DPP8: variants seen among roughly 807,000 people sequenced by gnomAD.
DPP8 encodes the protein dipeptidyl peptidase 8.
A neutral mutation model predicts 107.5 loss-of-function variants in DPP8; 31 were observed. The observed-to-expected ratio is 0.29, with a 90% confidence interval of 0.22 to 0.39. The LOEUF is 0.39. Ranked by LOEUF, DPP8 falls within the 10% of genes least tolerant of loss-of-function variation. The pLI is 1.00. For missense variants in DPP8, 842 were observed against 1,076.1 expected (o/e 0.78, Z 3.04); for synonymous variants, 381 against 356.6 (o/e 1.07, Z -0.77).
chr15:65,479,668 C>A (rs964301993), intron 10 of DPP8, among the ~76,000 whole-genome samples: 1 of 151,362 alleles, frequency 6.6e-6, no homozygotes, highest in Non-Finnish European at 1.5e-5. Flanking sequence ...CAAGGTGAAA[C>A]CCCGTCTCTA....
Position 65,478,931 on chromosome 15 carries a change from T to C in DPP8, c.1405A>G (p.Ile469Val), listed in dbSNP as rs756739726. 21 of 1,594,820 alleles carry C rather than the reference T, an allele frequency of 1.3e-5. No individual in the cohort carries two copies. Among genetic ancestry groups the C allele is most frequent in the South Asian group, 3.5e-5 (3 of 86,626 alleles). Residue 469 changes from isoleucine to valine, a missense_variant, in exon 11 of 20, where the codon ATT (isoleucine) becomes GTT (valine). Ile to Val is a conservative substitution (Grantham distance 29). This residue lies in a region of DPP8 where 663 missense variants were observed against 758.0 expected (regional missense o/e 0.87). Coordinates refer to ENST00000300141, the MANE Select transcript of DPP8 (RefSeq NM_130434.5). ...CGTTTATATTTGCTTTCCTTTAAAA[T>C]AGATGTAATTTTGTATAAATGACGG... ...GFRHLYKITS[I>V]LKESKYKRSS...
chr15:65,486,227 C>A (rs564592705), intron 7 of DPP8, among the ~76,000 whole-genome samples: 45 of 150,942 alleles, frequency 3.0e-4, no homozygotes, highest in Non-Finnish European at 5.9e-4. Context: ...CATGGTGAAA[C>A]CCTGTTTCTA....
chr15:65,495,501 G>A (rs2068492210), intron 5 of DPP8, among the ~76,000 whole-genome samples: 1 of 152,042 alleles, frequency 6.6e-6, no homozygotes, highest in African/African-American at 2.4e-5. Flanking sequence ...CTACTCAGGA[G>A]GCTGAGGGAT....
At chr15:65,478,196 T>C (rs2066580325) in intron 11 of DPP8, among the ~76,000 whole-genome samples, 2 of 152,202 alleles carry the variant, frequency 1.3e-5, no homozygotes, top group Admixed American at 1.3e-4. Context: ...TAGATGCAGA[T>C]AGTATAAGAA....
chr15:65,497,083 T>A (rs2068680636), intron 5 of DPP8, among the ~76,000 whole-genome samples: 1 of 151,858 alleles, frequency 6.6e-6, no homozygotes, highest in Non-Finnish European at 1.5e-5. Flanking sequence ...AGAGACAGGG[T>A]TTCATCACGT....
chr15:65,485,150 A>G lies in DPP8; in HGVS notation c.966T>C (p.Asn322=). 3 of 1,605,474 alleles carry G rather than the reference A, an allele frequency of 1.9e-6. No individual in the cohort carries two copies. Among genetic ancestry groups the G allele is most frequent in the Non-Finnish European group, 2.6e-6 (3 of 1,172,202 alleles). ...CTGACATCTTAAAAGTGACTTTAGG[A>G]TTTGCTGTACCTTTAGAAAGAGACA... ...SFRYPKTGTA[N]PKVTFKMSEI... is the part of the protein sequence containing the mutation. The change falls in exon 8 of 20, where the codon AAT becomes AAC. Residue 322 remains asparagine, a synonymous_variant. Transcript: ENST00000300141.
chr15:65,479,100 G>A lies in DPP8; in HGVS notation c.1297-61C>T. ...ATGAAAATACTACATAATTCAATTA[G>A]GCTACAGGAAAAATTTCTTGATAAA... On this transcript the variant is annotated intron_variant, in intron 10 of 19. Transcript: ENST00000300141. 3 of 1,176,150 alleles carry A rather than the reference G, an allele frequency of 2.6e-6. No homozygotes were observed. The East Asian group carries it at 8.8e-5, about 34-fold the overall frequency. The allele number at this position is 1,176,150 out of a possible 1,614,324, so 72.9% of individuals were successfully genotyped here.
At chr15:65,509,790 G>A (rs1055532600) in intron 2 of DPP8, among the ~76,000 whole-genome samples, 4 of 151,996 alleles carry the variant, frequency 2.6e-5, no homozygotes, top group African/African-American at 7.3e-5. Flanking sequence ...GGAGGCTGAG[G>A]TGGGTAGACA....
chr15:65,489,514 C>A (rs1337964904), intron 6 of DPP8, among the ~76,000 whole-genome samples: 1 of 140,858 alleles, frequency 7.1e-6, no homozygotes. Context: ...CCCAGGTTCA[C>A]GTCATTCTCC....
chr15:65,449,772 C>A (rs1434440749), intron 19 of DPP8, among the ~76,000 whole-genome samples: 1 of 152,110 alleles, frequency 6.6e-6, no homozygotes, highest in Non-Finnish European at 1.5e-5. Flanking sequence ...GTCGAAACAA[C>A]ATATCACAAC....
chr15:65,469,209 A>C (rs1446276531), intron 12 of DPP8, among the ~76,000 whole-genome samples: 1 of 151,684 alleles, frequency 6.6e-6, no homozygotes, highest in Non-Finnish European at 1.5e-5. Context: ...TCCTGACCTC[A>C]GATGATCCGC....
chr15:65,507,437 T>G, intron 2 of DPP8, 82 bp from the exon 3 acceptor site: 5 of 796,586 alleles, frequency 6.3e-6, no homozygotes, highest in Non-Finnish European at 1.0e-5. Flanking sequence ...CATAATGCCT[T>G]CTATACACTG....
At chr15:65,467,347 T>C in intron 12 of DPP8, 124 bp from the exon 13 acceptor site, 1 of 881,286 alleles carries the variant, frequency 1.1e-6, no homozygotes, top group Non-Finnish European at 1.7e-6. Flanking sequence ...TTTTTTTTGC[T>C]GCCACTATTA....
At position 65,448,842 on chromosome 15, in the gene DPP8, A is replaced by C. The variant is rs867166348; in HGVS notation, c.2527-1836T>G. 2.0e-3 allele frequency among the ~76,000 whole-genome samples: 246 copies of C among 125,964 alleles called. 2 individuals carry two copies. The highest frequency in any genetic ancestry group is 6.5e-3 in the African/African-American group (225 of 34,542). 82.6% of individuals were successfully genotyped at this position (125,964 alleles called of 152,430 possible). On this transcript the variant is annotated intron_variant, in intron 19 of 19. Transcript: ENST00000300141. ...TATCTAAAGTATACATATATAATAT[A>C]TAAAATATACATATATATCTAAAAT...
At chr15:65,497,768 T>C in intron 5 of DPP8, 96 bp downstream of exon 5, 2 of 973,594 alleles carry the variant, frequency 2.1e-6, no homozygotes, top group Non-Finnish European at 1.4e-6. Flanking sequence ...AATATAAAGA[T>C]CACCCAACGT....
intron 15 of DPP8, among the ~76,000 whole-genome samples, chr15:65,462,184 G>C (rs2064987165): frequency 1.3e-5 from 2 of 151,614 alleles, no homozygotes; most frequent in South Asian, 2.1e-4. Flanking sequence ...GGCCAGGCTG[G>C]TCTTGAACTC....
chr15:65,451,806 A>G (rs603267), intron 18 of DPP8, among the ~76,000 whole-genome samples, 154 bp downstream of exon 18: 51,636 of 151,298 alleles, frequency 0.34, 10,194 homozygotes, highest in East Asian at 0.78. Context: ...CGTGCCTGTA[A>G]ACCCAGCTAC....
At position 65,466,686 on chromosome 15, in the gene DPP8, T is replaced by C; in HGVS notation, c.1817A>G (p.Asp606Gly). The change falls in exon 14 of 20, where the codon GAT becomes GGT. Residue 606 changes from aspartate (D) to glycine (G), a missense_variant. This residue lies in a region of DPP8 where 663 missense variants were observed against 758.0 expected (regional missense o/e 0.87). Coordinates refer to ENST00000300141, the MANE Select transcript of DPP8 (RefSeq NM_130434.5). Reference sequence around the variant, plus strand: ...GGGGGAAAAAAGAATACCTGCTGAATCCAAAATGGTGGCCCAAAATTCCTT... The same window carrying C: ...GGGGGAAAAAAGAATACCTGCTGAACCCAAAATGGTGGCCCAAAATTCCTT... ...KTKEFWATIL[D>G]SAGPLPDYTP... is the part of the protein sequence containing the mutation. The C allele has an allele frequency of 6.2e-7, 1 of 1,614,058 alleles. No homozygotes were observed. Among genetic ancestry groups the C allele is most frequent in the South Asian group, 1.1e-5 (1 of 91,082 alleles).
Position 65,474,279 on chromosome 15 carries a change from T to C in DPP8, c.1466A>G (p.Lys489Arg). The C allele has an allele frequency of 6.2e-7, 1 of 1,606,314 alleles. No homozygotes were observed. The highest frequency in any genetic ancestry group is 8.5e-7 in the Non-Finnish European group (1 of 1,172,976). Residue 489 changes from lysine to arginine, a missense_variant, in exon 12 of 20, where the codon AAG becomes AGG. By Grantham distance (26) the Lys-to-Arg change is conservative. Coordinates refer to ENST00000300141, the MANE Select transcript of DPP8 (RefSeq NM_130434.5). ...SGGLPAPSDF[K>R]CPIKEEIAIT... Reference sequence around the variant, plus strand: ...TGCTATCTCCTCTTTGATAGGACACTTGAAATCACCTGAAGATAAATATAA... The same window carrying C: ...TGCTATCTCCTCTTTGATAGGACACCTGAAATCACCTGAAGATAAATATAA...
Sources: allele counts gnomAD v4.1 joint callset (sites outside exome capture counted in the v4.1 genomes callset), GRCh38; gene constraint gnomAD v4.1.1; regional missense constraint gnomAD v4.1.1; transcripts MANE v1.5; gene names NCBI Gene and HGNC (gene_info 2026-07-23, HGNC 2026-07-21).